The following ZBTB11 variants were observed in gnomAD, a reference collection of about 807,000 sequenced individuals.
The protein encoded by ZBTB11 is zinc finger and BTB domain containing 11.
Under a neutral mutation model 113.1 loss-of-function variants are expected in ZBTB11, and 68 were observed. That is an observed-to-expected ratio of 0.60 (90% CI 0.49 to 0.74). The LOEUF (loss-of-function observed/expected upper bound fraction) is 0.74. Ranked by LOEUF, ZBTB11 falls within the 30% of genes least tolerant of loss-of-function variation. The pLI is 0.00. For missense variants in ZBTB11, 1,104 were observed against 1,279.4 expected (o/e 0.86, Z 2.09); for synonymous variants, 518 against 452.6 (o/e 1.14, Z -1.83).
At chr3:101,660,885 C>T (rs1297462247) in intron 5 of ZBTB11, among the ~76,000 whole-genome samples, 1 of 152,044 alleles carries the variant, frequency 6.6e-6, no homozygotes, top group African/African-American at 2.4e-5. Flanking sequence ...CTGCCCCCAG[C>T]TGTACTGGGA....
intron 6 of ZBTB11, 101 bp downstream of exon 6, chr3:101,659,682 A>G (rs901070541): frequency 7.0e-7 from 1 of 1,422,020 alleles, no homozygotes; most frequent in Non-Finnish European, 9.6e-7. Context: ...GACATTTTAC[A>G]AATGAGAGTG....
At chr3:101,661,704 GA>G (rs1936890374) in intron 5 of ZBTB11, among the ~76,000 whole-genome samples, 1 of 152,158 alleles carries the variant, frequency 6.6e-6, no homozygotes, top group South Asian at 2.1e-4. Flanking sequence ...CACTGATTCT[GA>G]AATTTTATAA....
rs147359492 is a variant in ZBTB11 at position 101,659,746 on chromosome 3, T to C, written c.2046+37A>G. The C allele has an allele frequency of 1.0e-5, 16 of 1,607,916 alleles. No individual in the cohort carries two copies. The East Asian group carries it at 3.4e-4, about 34-fold the overall frequency. On this transcript the variant is annotated intron_variant, in intron 6 of 10. Transcript: ENST00000312938. ...TTTGGCACACATAGTTAAGTTCTAA[T>C]GTTCTTTAAATAGCAAAATAAACGT...
intron 10 of ZBTB11, 101 bp from the exon 11 acceptor site, chr3:101,651,784 A>G (rs1936707906): frequency 8.1e-7 from 1 of 1,230,896 alleles, no homozygotes; most frequent in South Asian, 1.8e-5. Flanking sequence ...ACAGTAGCTC[A>G]TAAGCCTTTC....
chr3:101,676,594 CTAGG>C lies in ZBTB11; in HGVS notation c.310+7_310+10del. ...CGCCAGCCCGCCCCCTCGCCGCGGG[CTAGG>C]TCTCACCTCGCCACCAGTACGTCTT... On this transcript the variant is annotated splice_region_variant and intron_variant, in intron 1 of 10. Coordinates refer to ENST00000312938, the MANE Select transcript of ZBTB11 (RefSeq NM_014415.4). 2 of 1,488,214 alleles carry C rather than the reference CTAGG, an allele frequency of 1.3e-6. No individual in the cohort carries two copies. The highest frequency in any genetic ancestry group is 1.8e-6 in the Non-Finnish European group (2 of 1,118,822). The allele number at this position is 1,488,214 out of a possible 1,614,324, so 92.2% of individuals were successfully genotyped here.
intron 1 of ZBTB11, among the ~76,000 whole-genome samples, chr3:101,675,139 C>T (rs1011096650): frequency 6.6e-6 from 1 of 152,232 alleles, no homozygotes; most frequent in African/African-American, 2.4e-5. Flanking sequence ...CTACATCCTG[C>T]ATATACAAGC....
intron 6 of ZBTB11, among the ~76,000 whole-genome samples, chr3:101,659,398 C>CTCTA (rs1357681945): frequency 2.6e-5 from 4 of 152,216 alleles, no homozygotes; most frequent in African/African-American, 9.6e-5. Flanking sequence ...CAATCCTTAG[C>CTCTA]TCTAGAGAAG....
In ZBTB11 at chr3:101,657,841, T is replaced by TAA. The variant is rs751422811; in HGVS notation, c.2047-1595_2047-1594dup. Among the ~76,000 whole-genome samples, 35 of 144,772 alleles carry TAA rather than the reference T, an allele frequency of 2.4e-4. No homozygotes were observed. In the East Asian group the frequency reaches 6.2e-3, roughly 26 times the overall value. 95.0% of individuals were successfully genotyped at this position (144,772 alleles called of 152,430 possible). On this transcript the variant is annotated intron_variant, in intron 6 of 10. Transcript: ENST00000312938. Reference sequence around the variant, plus strand: ...AAAAGGCAGGGTCTCTATAAAAACTTAAAAAAAAAAAATTAGGTGGGTGTG... The same window carrying TAA: ...AAAAGGCAGGGTCTCTATAAAAACTTAAAAAAAAAAAAAATTAGGTGGGTGTG...
rs1345357950 is a variant in ZBTB11, at chr3:101,649,375, TTAA to T, written c.*1788_*1790del. On this transcript the variant is annotated 3_prime_UTR_variant, in exon 11 of 11. Transcript: ENST00000312938. ...CCTTTCCCTTTAAAAATAAATTAAC[TTAA>T]TAACACATCAAGTAACAACTGATTT... is the stretch of plus-strand genomic sequence containing the variant. 6.6e-6 allele frequency: 1 copy of T among 152,208 alleles called. No homozygotes were observed. Among genetic ancestry groups the T allele is most frequent in the African/African-American group, 2.4e-5 (1 of 41,462 alleles). The allele number at this position is 152,208 out of a possible 1,614,324, so 9.4% of individuals were successfully genotyped here. A position where few individuals can be genotyped will look rare whatever the true frequency, so the allele number is the denominator to read the frequency against.
chr3:101,651,182 A>G lies in ZBTB11; in HGVS notation c.3146T>C (p.Ile1049Thr). ...IQTVKVEVAHISGGE is the reference protein window; with the variant it reads ...IQTVKVEVAHTSGGE ...TTAACATACTCATTCTCCTCCTGAAATATGTGCTACCTCTACTTTAACAGT... is the reference window on the plus strand; with the variant it reads ...TTAACATACTCATTCTCCTCCTGAAGTATGTGCTACCTCTACTTTAACAGT... The change falls in exon 11 of 11, where the codon ATT (isoleucine) becomes ACT (threonine). Residue 1049 changes from isoleucine to threonine, a missense_variant. By Grantham distance (89) the Ile-to-Thr change is moderately conservative. Coordinates refer to ENST00000312938, the MANE Select transcript of ZBTB11 (RefSeq NM_014415.4). The G allele has an allele frequency of 6.3e-7, 1 of 1,588,154 alleles. No individual in the cohort carries two copies. The highest frequency in any genetic ancestry group is 8.6e-7 in the Non-Finnish European group (1 of 1,168,194).
At chr3:101,655,896 A>G in intron 7 of ZBTB11, 1 of 247,598 alleles carries the variant, frequency 4.0e-6, no homozygotes, top group Non-Finnish European at 7.8e-6. Context: ...TCCTGACCTC[A>G]TGATCTGCCT....
intron 3 of ZBTB11, among the ~76,000 whole-genome samples, chr3:101,666,521 A>G (rs1936999354): frequency 1.3e-5 from 2 of 152,208 alleles, no homozygotes; most frequent in Non-Finnish European, 2.9e-5. Context: ...TGAAATAATT[A>G]CTATACACAT....
At chr3:101,653,457 C>G (rs947197950) in intron 8 of ZBTB11, among the ~76,000 whole-genome samples, 1 of 152,084 alleles carries the variant, frequency 6.6e-6, no homozygotes, top group Non-Finnish European at 1.5e-5. Flanking sequence ...GAGACTGAAA[C>G]CACTGCCATT....
intron 2 of ZBTB11, 166 bp downstream of exon 2, chr3:101,671,812 C>T (rs970384027): frequency 3.2e-6 from 2 of 623,728 alleles, no homozygotes; most frequent in East Asian, 2.7e-5. Flanking sequence ...ATAACAGGAA[C>T]ATTTATGATA....
At chr3:101,654,591 TAA>T (rs1165997768) in intron 8 of ZBTB11, 111 bp downstream of exon 8, 2 of 866,674 alleles carry the variant, frequency 2.3e-6, no homozygotes, top group Non-Finnish European at 3.6e-6. Flanking sequence ...AAAAGGACAT[TAA>T]AATCAAGAGT....
chr3:101,676,383 C>T (rs1937173227), intron 1 of ZBTB11: 1 of 451,140 alleles, frequency 2.2e-6, no homozygotes, highest in Non-Finnish European at 3.7e-6. Flanking sequence ...CCCCCTTGGT[C>T]CCACCCAGGG....
At chr3:101,661,868 G>C (rs1022055026) in intron 5 of ZBTB11, among the ~76,000 whole-genome samples, 3 of 149,408 alleles carry the variant, frequency 2.0e-5, no homozygotes, top group African/African-American at 7.7e-5. Flanking sequence ...GAGTATCTCA[G>C]ACCAATTCTA....
At chr3:101,667,606 C>T (rs1392339983) in intron 3 of ZBTB11, among the ~76,000 whole-genome samples, 1 of 152,132 alleles carries the variant, frequency 6.6e-6, no homozygotes, top group Non-Finnish European at 1.5e-5. Flanking sequence ...ACTGAGGGGA[C>T]TCCCCACCAA....
At chr3:101,656,074 G>GT in intron 7 of ZBTB11, 30 bp downstream of exon 7, 2 of 1,428,666 alleles carry the variant, frequency 1.4e-6, no homozygotes, top group Non-Finnish European at 1.9e-6. Context: ...TTTATGAAAT[G>GT]TAACTATGTC....
Sources: gnomAD v4.1 joint callset for allele counts (sites outside exome capture counted in the v4.1 genomes callset) on GRCh38, gnomAD v4.1.1 for gene constraint, MANE v1.5 for transcripts, NCBI Gene and HGNC (gene_info 2026-07-23, HGNC 2026-07-21) for gene names.